Variants in TMEM132C observed in about 807,000 individuals in gnomAD.
The protein encoded by TMEM132C is protein phosphatase 1, regulatory subunit 152.
A neutral mutation model predicts 61.4 loss-of-function variants in TMEM132C; 29 were observed. The ratio of observed to expected loss-of-function variants is 0.47; its 90% CI spans 0.35 to 0.64. The LOEUF is 0.64. TMEM132C is among the 30% of genes least tolerant of loss of function. The pLI is 0.00. For missense variants in TMEM132C, 1,408 were observed against 1,476.9 expected (o/e 0.95, Z 0.76); for synonymous variants, 656 against 633.1 (o/e 1.04, Z -0.54).
chr12:128,384,957 T>TC (rs1358050649), intron 1 of TMEM132C, among the ~76,000 whole-genome samples: 1 of 152,236 alleles, frequency 6.6e-6, no homozygotes, highest in African/African-American at 2.4e-5. Context: ...CCACCTGTGA[T>TC]CTTCACATTC....
intron 3 of TMEM132C, among the ~76,000 whole-genome samples, chr12:128,548,526 T>C (rs1874043267): frequency 6.6e-6 from 1 of 152,186 alleles, no homozygotes; most frequent in South Asian, 2.1e-4. Context: ...CCCGTGATCA[T>C]GTAGGGCCCA....
At chr12:128,409,841 A>G (rs1228330370) in intron 1 of TMEM132C, among the ~76,000 whole-genome samples, 1 of 152,132 alleles carries the variant, frequency 6.6e-6, no homozygotes, top group Non-Finnish European at 1.5e-5. Context: ...CTGCTAACTC[A>G]TTTTACCTGG....
intron 1 of TMEM132C, among the ~76,000 whole-genome samples, chr12:128,303,233 AG>A (rs1566049139): frequency 6.6e-6 from 1 of 152,238 alleles, no homozygotes; most frequent in African/African-American, 2.4e-5. Flanking sequence ...TTTAAAAGAA[AG>A]GATACTATGA....
At chr12:128,308,153 A>G (rs1160729351) in intron 1 of TMEM132C, among the ~76,000 whole-genome samples, 2 of 152,244 alleles carry the variant, frequency 1.3e-5, no homozygotes, top group African/African-American at 4.8e-5. Flanking sequence ...CATAAAGCCC[A>G]TGCTGATGGA....
intron 1 of TMEM132C, among the ~76,000 whole-genome samples, chr12:128,320,820 AAAAG>A (rs1274605779): frequency 6.6e-6 from 1 of 151,782 alleles, no homozygotes; most frequent in African/African-American, 2.4e-5. Context: ...TACAAAAAAA[AAAAG>A]AAAGAAAAAG....
intron 1 of TMEM132C, among the ~76,000 whole-genome samples, chr12:128,353,863 C>G (rs1406296564): frequency 1.3e-5 from 2 of 152,178 alleles, no homozygotes; most frequent in African/African-American, 4.8e-5. Context: ...AAGATGCGCT[C>G]TGTGAGTGCT....
In TMEM132C at chr12:128,415,715, T is replaced by C; in HGVS notation, c.974+95T>C. 1 of 1,368,716 alleles carries C rather than the reference T, an allele frequency of 7.3e-7. No homozygotes were observed. The highest frequency in any genetic ancestry group is 9.7e-7 in the Non-Finnish European group (1 of 1,028,810). 84.8% of individuals were successfully genotyped at this position (1,368,716 alleles called of 1,614,324 possible). ...GATAGATATTCAGGAAGCATCGATT[T>C]TCACTACCTTCAGGGACCGTTTGGC... On this transcript the variant is annotated intron_variant, in intron 2 of 8. Coordinates refer to ENST00000435159, the MANE Select transcript of TMEM132C (RefSeq NM_001136103.3). This position sits in a 1 kb window ranked among gnomAD's most constrained non-coding sequence, Gnocchi z 5.8.
At chr12:128,563,700 A>G (rs1438219270) in intron 3 of TMEM132C, among the ~76,000 whole-genome samples, 2 of 152,200 alleles carry the variant, frequency 1.3e-5, no homozygotes, top group Admixed American at 1.3e-4. Context: ...CACACATAAA[A>G]TGGGGATCTC....
At chr12:128,584,612 A>G (rs907398959) in intron 3 of TMEM132C, among the ~76,000 whole-genome samples, 1 of 152,142 alleles carries the variant, frequency 6.6e-6, no homozygotes, top group Non-Finnish European at 1.5e-5. Context: ...GCAGTTTTTC[A>G]CTGCCGTCTT....
At chr12:128,413,332 A>C (rs1466753234) in intron 1 of TMEM132C, among the ~76,000 whole-genome samples, 1 of 139,406 alleles carries the variant, frequency 7.2e-6, no homozygotes, top group Admixed American at 7.3e-5. Context: ...CCAATGTTGC[A>C]ATAAATGATC....
intron 5 of TMEM132C, among the ~76,000 whole-genome samples, chr12:128,676,759 A>G (rs1243641775): frequency 2.0e-5 from 3 of 152,250 alleles, no homozygotes; most frequent in Admixed American, 1.3e-4. Flanking sequence ...AAATAGAGCC[A>G]TATCCTTATG....
chr12:128,700,540 G>A (rs980170754), intron 8 of TMEM132C, among the ~76,000 whole-genome samples: 1 of 152,162 alleles, frequency 6.6e-6, no homozygotes, highest in Non-Finnish European at 1.5e-5. Context: ...GGAAATGTCA[G>A]CCACGATGAA....
intron 3 of TMEM132C, among the ~76,000 whole-genome samples, chr12:128,581,519 C>T (rs975245157): frequency 1.3e-5 from 2 of 152,158 alleles, no homozygotes; most frequent in Non-Finnish European, 2.9e-5. Context: ...ATTCTCATCA[C>T]AGCAGTTACC....
chr12:128,487,742 C>T (rs760067053), intron 2 of TMEM132C, among the ~76,000 whole-genome samples: 12 of 151,972 alleles, frequency 7.9e-5, no homozygotes, highest in Non-Finnish European at 1.6e-4. Flanking sequence ...GTTCCAGTCA[C>T]CCTTGGAATC....
intron 4 of TMEM132C, among the ~76,000 whole-genome samples, chr12:128,650,027 C>CAG (rs1169325702): frequency 1.3e-5 from 2 of 152,162 alleles, no homozygotes; most frequent in Non-Finnish European, 2.9e-5. Context: ...GAGCTGTTAG[C>CAG]TATGTCCTCA....
chr12:128,341,859 C>T (rs1305392005), intron 1 of TMEM132C, among the ~76,000 whole-genome samples: 2 of 144,150 alleles, frequency 1.4e-5, no homozygotes, highest in African/African-American at 2.8e-5. Context: ...ATCTTAACTA[C>T]TCGATAAACC....
chr12:128,509,882 C>T (rs1421535864), intron 2 of TMEM132C, among the ~76,000 whole-genome samples: 3 of 152,288 alleles, frequency 2.0e-5, no homozygotes, highest in Non-Finnish European at 4.4e-5. Flanking sequence ...GGGAAAAGAA[C>T]GTATTATTCT....
At chr12:128,536,163 T>G (rs1873518140) in intron 2 of TMEM132C, among the ~76,000 whole-genome samples, 1 of 152,188 alleles carries the variant, frequency 6.6e-6, no homozygotes, top group Non-Finnish European at 1.5e-5. Context: ...AATGATAGAC[T>G]GGATTAAGAC....
chr12:128,636,187 A>G (rs566319247), intron 4 of TMEM132C, among the ~76,000 whole-genome samples: 1 of 151,810 alleles, frequency 6.6e-6, no homozygotes, highest in Non-Finnish European at 1.5e-5. Context: ...AGTAGCTGGA[A>G]CCACAGGCAT....
Sources: allele counts gnomAD v4.1 joint callset (sites outside exome capture counted in the v4.1 genomes callset), GRCh38; gene constraint gnomAD v4.1.1; non-coding constraint Gnocchi (gnomAD v3.1); transcripts MANE v1.5; gene names NCBI Gene and HGNC (gene_info 2026-07-23, HGNC 2026-07-21).